Variants in PDE1A observed in about 807,000 individuals in gnomAD.
PDE1A encodes phosphodiesterase 1A, also known as dual specificity calcium/calmodulin-dependent 3',5'-cyclic nucleotide phosphodiesterase 1A.
In PDE1A, 35 loss-of-function variants were observed where a neutral mutation model predicts 61.7. The observed-to-expected ratio is 0.57, with a 90% CI of 0.43 to 0.75. The LOEUF (loss-of-function observed/expected upper bound fraction) is 0.75, where lower values mean the gene tolerates loss of function less well. PDE1A is among the 30% of genes least tolerant of loss of function. PDE1A has a pLI of 0.00. For synonymous variants in PDE1A, 232 were observed against 213.2 expected (o/e 1.09, Z -0.77); for missense variants, 597 against 630.6 (o/e 0.95, Z 0.57).
At chr2:182,506,822 C>A (rs1214856911) in intron 2 of PDE1A, among the ~76,000 whole-genome samples, 1 of 152,156 alleles carries the variant, frequency 6.6e-6, no homozygotes. Flanking sequence ...GGAGCCCTGG[C>A]CTTTCTAGTG....
chr2:182,500,423 C>T (rs1268452974), intron 2 of PDE1A, among the ~76,000 whole-genome samples: 1 of 152,020 alleles, frequency 6.6e-6, no homozygotes, highest in Non-Finnish European at 1.5e-5. Flanking sequence ...AATCAAAAAA[C>T]AACAACATTA....
intron 6 of PDE1A, among the ~76,000 whole-genome samples, chr2:182,224,200 T>C (rs1429879745): frequency 6.6e-6 from 1 of 151,934 alleles, no homozygotes; most frequent in Non-Finnish European, 1.5e-5. Context: ...CCTTGCTAAT[T>C]GAAAAAGGAG....
chr2:182,392,599 C>A (rs1389026417), intron 1 of PDE1A, among the ~76,000 whole-genome samples: 1 of 99,844 alleles, frequency 1.0e-5, no homozygotes, highest in Non-Finnish European at 2.4e-5. Context: ...TCCAAAGTCT[C>A]ATCTGTAACA....
chr2:182,557,725 T>C, the PDE1A span, among the ~76,000 whole-genome samples: 1 of 151,592 alleles, frequency 6.6e-6, no homozygotes, highest in Non-Finnish European at 1.5e-5. Flanking sequence ...AAAATAATAA[T>C]AAAATAAAAA....
chr2:182,315,764 T>C (rs1696298929), intron 1 of PDE1A, among the ~76,000 whole-genome samples: 1 of 151,908 alleles, frequency 6.6e-6, no homozygotes, highest in Admixed American at 6.6e-5. Context: ...CAGCACAGAG[T>C]AGGAGAGAGA....
At chr2:182,174,502 G>T (rs1052486470) in intron 13 of PDE1A, among the ~76,000 whole-genome samples, 2 of 151,884 alleles carry the variant, frequency 1.3e-5, no homozygotes, top group Admixed American at 6.6e-5. Context: ...ATCAGGGGAG[G>T]GTAAAACAAC....
chr2:182,230,995 T>A lies in PDE1A; in HGVS notation c.534+20A>T. The A allele has an allele frequency of 8.4e-7, 1 of 1,190,582 alleles. No individual in the cohort carries two copies. The highest frequency in any genetic ancestry group is 1.2e-6 in the Non-Finnish European group (1 of 813,220). The allele number at this position is 1,190,582 out of a possible 1,614,324, so 73.8% of individuals were successfully genotyped here. On this transcript the variant is annotated intron_variant, in intron 5 of 13. Transcript: ENST00000351439. ...ATAACCAATTCTAAGAGCATTTCAC[T>A]TTTGTTCCATGTTTCTGACCTTGAA...
intron 2 of PDE1A, among the ~76,000 whole-genome samples, chr2:182,478,949 T>C (rs528054227): frequency 6.6e-6 from 1 of 152,034 alleles, no homozygotes; most frequent in Admixed American, 6.6e-5. Context: ...AAAATTATAA[T>C]GGCACAATGT....
the PDE1A span, among the ~76,000 whole-genome samples, chr2:182,576,649 T>C: frequency 6.6e-6 from 1 of 152,196 alleles, no homozygotes; most frequent in Non-Finnish European, 1.5e-5. Context: ...CATACTGTTT[T>C]CCACAGTGGC....
At chr2:182,427,319 T>A (rs562376838), upstream of PDE1A, among the ~76,000 whole-genome samples, 184 of 152,266 alleles carry the variant, frequency 1.2e-3, 1 homozygote, top group Non-Finnish European at 2.2e-3. Context: ...AATAACCTCC[T>A]CTTGGCTGAA....
chr2:182,416,873 T>C (rs533152841), intron 1 of PDE1A, among the ~76,000 whole-genome samples: 6 of 152,338 alleles, frequency 3.9e-5, no homozygotes, highest in Non-Finnish European at 7.3e-5. Context: ...GGGAAATTAG[T>C]GTGACTGGAA....
At chr2:182,254,866 A>G (rs1476157558) in intron 2 of PDE1A, among the ~76,000 whole-genome samples, 3 of 152,180 alleles carry the variant, frequency 2.0e-5, no homozygotes, top group African/African-American at 7.2e-5. Flanking sequence ...TCTTAAGCGT[A>G]TGACTTAAAT....
intron 9 of PDE1A, 39 bp downstream of exon 9, chr2:182,201,649 A>AC: frequency 6.4e-6 from 9 of 1,407,418 alleles, no homozygotes; most frequent in Non-Finnish European, 8.4e-6. Context: ...CTTTAACATG[A>AC]CAAAAAAAAA....
intron 2 of PDE1A, among the ~76,000 whole-genome samples, chr2:182,476,848 C>T (rs1427303673): frequency 6.9e-6 from 1 of 144,172 alleles, no homozygotes; most frequent in Non-Finnish European, 1.5e-5. Flanking sequence ...TAGGAAGCAA[C>T]AATTATATAA....
At chr2:182,151,630 T>C (rs920659350) in intron 13 of PDE1A, among the ~76,000 whole-genome samples, 4 of 152,234 alleles carry the variant, frequency 2.6e-5, no homozygotes, top group Admixed American at 2.0e-4. Flanking sequence ...CTCGCTTACC[T>C]AATATTTTTC....
the PDE1A span, among the ~76,000 whole-genome samples, chr2:182,687,764 C>G: frequency 6.6e-6 from 1 of 152,132 alleles, no homozygotes; most frequent in Non-Finnish European, 1.5e-5. Context: ...CCATCGCAAA[C>G]AAGTTAAAAA....
At chr2:182,258,800 T>G (rs2125767229) in intron 2 of PDE1A, among the ~76,000 whole-genome samples, 1 of 152,314 alleles carries the variant, frequency 6.6e-6, no homozygotes, top group Admixed American at 6.5e-5. Context: ...TCTTACCCCA[T>G]GTTACTCCCT....
the PDE1A span, among the ~76,000 whole-genome samples, chr2:182,555,793 CCT>C: frequency 6.6e-6 from 1 of 151,426 alleles, no homozygotes; most frequent in Non-Finnish European, 1.5e-5. Flanking sequence ...TGATGAAACC[CCT>C]GTCTCTACTA....
At chr2:182,269,586 C>T (rs991121755) in intron 1 of PDE1A, among the ~76,000 whole-genome samples, 5 of 151,874 alleles carry the variant, frequency 3.3e-5, no homozygotes, top group African/African-American at 1.2e-4. Flanking sequence ...ACTGTAAATA[C>T]TTCTGAACTC....
Sources: gnomAD v4.1 joint callset for allele counts (sites outside exome capture counted in the v4.1 genomes callset) on GRCh38, gnomAD v4.1.1 for gene constraint, MANE v1.5 for transcripts, NCBI Gene and HGNC (gene_info 2026-07-23, HGNC 2026-07-21) for gene names.